Variants in ITGA4 observed in about 807,000 individuals in gnomAD.
The protein encoded by ITGA4 is integrin subunit alpha 4, also known as integrin alpha-4.
In ITGA4, 63 loss-of-function variants were observed where a neutral mutation model predicts 133.6. The observed-to-expected ratio is 0.47, with a 90% confidence interval of 0.38 to 0.58. The LOEUF (loss-of-function observed/expected upper bound fraction) is 0.58. Ranked by LOEUF, ITGA4 falls within the 20% of genes least tolerant of loss-of-function variation. ITGA4 has a pLI of 0.00. For synonymous variants in ITGA4, 483 were observed against 438.0 expected (o/e 1.10, Z -1.28); for missense variants, 1,076 against 1,252.7 (o/e 0.86, Z 2.13).
Position 181,513,132 on chromosome 2 carries a change from G to A in ITGA4, c.1922+1357G>A, listed in dbSNP as rs1574405907. ...CCTTTCTTTTCAGCTGTTTTTGATG[G>A]ATCTTTGGGTTTGGCACCCTAAATG... is the stretch of plus-strand genomic sequence containing the variant. On this transcript the variant is annotated intron_variant, in intron 17 of 27. Transcript: ENST00000397033. 3.9e-5 allele frequency among the ~76,000 whole-genome samples: 6 copies of A among 151,918 alleles called. 1 individual carries two copies. The highest frequency in any genetic ancestry group is 3.9e-4 in the Admixed American group (6 of 15,240).
chr2:181,486,133 G>T, intron 10 of ITGA4, 141 bp downstream of exon 10: 6 of 1,074,200 alleles, frequency 5.6e-6, no homozygotes, highest in Non-Finnish European at 7.7e-6. Flanking sequence ...CTTTTCTTTA[G>T]TGTTATATAT....
At chr2:181,464,669 A>T (rs569575836) in intron 2 of ITGA4, among the ~76,000 whole-genome samples, 10 of 152,166 alleles carry the variant, frequency 6.6e-5, no homozygotes, top group African/African-American at 2.4e-4. Flanking sequence ...CATCTTTTTC[A>T]CATTTGGGCA....
intron 17 of ITGA4, among the ~76,000 whole-genome samples, chr2:181,514,512 G>C (rs1484990594): frequency 7.0e-6 from 1 of 142,770 alleles, no homozygotes; most frequent in African/African-American, 2.5e-5. Flanking sequence ...GGACTACTTT[G>C]TATCCCAGCA....
intron 25 of ITGA4, 95 bp from the exon 26 acceptor site, chr2:181,534,177 A>T: frequency 2.8e-6 from 2 of 713,274 alleles, no homozygotes; most frequent in Non-Finnish European, 4.7e-6. Context: ...GGGGAAGGTA[A>T]ATTGTGAAAA....
Position 181,457,534 on chromosome 2 carries a change from C to A in ITGA4, c.-121C>A. The A allele has an allele frequency of 2.1e-6, 2 of 931,810 alleles. No individual in the cohort carries two copies. The highest frequency in any genetic ancestry group is 1.6e-6 in the Non-Finnish European group (1 of 631,776). 57.7% of individuals were successfully genotyped at this position (931,810 alleles called of 1,614,324 possible). A position where few individuals can be genotyped will look rare whatever the true frequency, so the allele number is the denominator to read the frequency against. On this transcript the variant is annotated 5_prime_UTR_variant, in exon 1 of 28. In the 5' UTR this introduces an upstream ATG that the reference lacks. Transcript: ENST00000397033. The stretch of plus-strand genomic sequence containing the variant: ...TTCCCTCTCTCCTTCCTTTAGCCCG[C>A]TGGCGCCGGACACGCTGCGCCTCAT...
chr2:181,521,351 TTTGAA>T (rs767718368), intron 17 of ITGA4, among the ~76,000 whole-genome samples: 44 of 152,302 alleles, frequency 2.9e-4, no homozygotes, highest in Non-Finnish European at 6.0e-4. Context: ...AGCTGTGGCC[TTTGAA>T]TAAGTTCCTT....
At chr2:181,460,327 G>GA (rs576455815) in intron 2 of ITGA4, among the ~76,000 whole-genome samples, 1 of 152,168 alleles carries the variant, frequency 6.6e-6, no homozygotes, top group South Asian at 2.1e-4. Flanking sequence ...ACATTCTAAA[G>GA]AATACAGATA....
intron 2 of ITGA4, among the ~76,000 whole-genome samples, chr2:181,467,870 T>C (rs1392408074): frequency 6.6e-6 from 1 of 152,166 alleles, no homozygotes; most frequent in African/African-American, 2.4e-5. Flanking sequence ...TTCTCTTCTG[T>C]AGGGTAGGAT....
intron 2 of ITGA4, among the ~76,000 whole-genome samples, chr2:181,462,074 C>T (rs914726351): frequency 6.6e-6 from 1 of 151,582 alleles, no homozygotes; most frequent in Non-Finnish European, 1.5e-5. Flanking sequence ...TTAAAATTTC[C>T]AATGGGCTTG....
Position 181,485,921 on chromosome 2 carries a change from G to A in ITGA4, c.1082G>A (p.Ser361Asn), listed in dbSNP as rs374319884. The A allele has an allele frequency of 1.2e-6, 2 of 1,605,558 alleles. No homozygotes were observed. The highest frequency in any genetic ancestry group is 3.5e-5 in the Admixed American group (2 of 57,192). Residue 361 changes from serine (S) to asparagine (N), a missense_variant, in exon 10 of 28, where the codon AGT (serine) becomes AAT (asparagine). Physicochemically the swap from Ser to Asn is conservative, Grantham distance 46. Coordinates refer to ENST00000397033, the MANE Select transcript of ITGA4 (RefSeq NM_000885.6). ...MNAMETNLVG[S>N]DKYAARFGES... ...GCAATGGAAACAAACCTCGTTGGAA[G>A]TGACAAATATGCTGCAAGATTTGGG...
At chr2:181,473,029 T>A (rs914483363) in intron 2 of ITGA4, among the ~76,000 whole-genome samples, 10 of 152,220 alleles carry the variant, frequency 6.6e-5, no homozygotes, top group Admixed American at 2.0e-4. Context: ...CAGGAAGCCA[T>A]TACCAGTTAG....
Position 181,458,688 on chromosome 2 carries a change from A to G in ITGA4, c.319+371A>G, listed in dbSNP as rs548247546. On this transcript the variant is annotated intron_variant, in intron 2 of 27. Coordinates refer to ENST00000397033, the MANE Select transcript of ITGA4 (RefSeq NM_000885.6). ...CTTGAGAATTTTATTTCCATCTTTG[A>G]CCTATCAACCCTCTTAAAGAACAGG... is the stretch of plus-strand genomic sequence containing the variant. 7.4e-5 allele frequency: 17 copies of G among 229,136 alleles called. No individual in the cohort carries two copies. In the East Asian group the frequency reaches 1.6e-3, roughly 21 times the overall value. The allele number at this position is 229,136 out of a possible 1,614,324, so 14.2% of individuals were successfully genotyped here.
At chr2:181,505,028 C>T (rs898640957) in intron 15 of ITGA4, among the ~76,000 whole-genome samples, 1 of 151,884 alleles carries the variant, frequency 6.6e-6, no homozygotes, top group South Asian at 2.1e-4. Context: ...GAGGTGTTTC[C>T]AAAATCTAGT....
chr2:181,467,492 T>C (rs1055850000), intron 2 of ITGA4, among the ~76,000 whole-genome samples: 2 of 152,158 alleles, frequency 1.3e-5, no homozygotes, highest in Non-Finnish European at 2.9e-5. Flanking sequence ...AAAAGTTATA[T>C]AGAAAGAAGA....
intron 20 of ITGA4, 27 bp from the exon 21 acceptor site, chr2:181,525,175 C>T: frequency 1.5e-6 from 2 of 1,323,446 alleles, no homozygotes. Context: ...TTGGTGAATT[C>T]TAACAGGGTG....
At chr2:181,500,951 GA>G (rs1686255374) in intron 15 of ITGA4, among the ~76,000 whole-genome samples, 1 of 152,162 alleles carries the variant, frequency 6.6e-6, no homozygotes, top group African/African-American at 2.4e-5. Flanking sequence ...GCAGAGTACA[GA>G]AATGTGCAGT....
intron 4 of ITGA4, chr2:181,475,953 A>G (rs1228744327): frequency 4.4e-6 from 6 of 1,357,580 alleles, no homozygotes; most frequent in Admixed American, 5.6e-5. Flanking sequence ...TAAGAAACAT[A>G]TGAATGCAAA....
chr2:181,513,685 C>T (rs561647112), intron 17 of ITGA4, among the ~76,000 whole-genome samples: 2 of 152,178 alleles, frequency 1.3e-5, no homozygotes, highest in African/African-American at 4.8e-5. Context: ...TTCACCAATT[C>T]CCCAGGAAGT....
intron 10 of ITGA4, among the ~76,000 whole-genome samples, chr2:181,489,686 T>A (rs1686000930): frequency 6.6e-6 from 1 of 152,154 alleles, no homozygotes; most frequent in African/African-American, 2.4e-5. Flanking sequence ...AGGGTACAAG[T>A]GAAATTTTGT....
Sources: allele counts gnomAD v4.1 joint callset (sites outside exome capture counted in the v4.1 genomes callset), GRCh38; gene constraint gnomAD v4.1.1; transcripts MANE v1.5; gene names NCBI Gene and HGNC (gene_info 2026-07-23, HGNC 2026-07-21).